The following ANTXR2 variants were observed in gnomAD, a reference collection of about 807,000 sequenced individuals.
ANTXR2 encodes the protein ANTXR cell adhesion molecule 2.
Under a neutral mutation model 73.7 loss-of-function variants are expected in ANTXR2, and 44 were observed. The ratio of observed to expected loss-of-function variants is 0.60; its 90% CI spans 0.47 to 0.77. The LOEUF is 0.77. Among genes scored for constraint, ANTXR2 ranks in the 30% least tolerant of loss-of-function variants. The probability of loss-of-function intolerance (pLI) is 0.00; values close to 1 mark genes in which losing one functional copy is unlikely to be tolerated. For synonymous variants in ANTXR2, 217 were observed against 205.9 expected (o/e 1.05, Z -0.46); for missense variants, 604 against 592.5 (o/e 1.02, Z -0.20).
chr4:79,960,890 A>C (rs1040616295), intron 16 of ANTXR2, among the ~76,000 whole-genome samples: 2 of 151,974 alleles, frequency 1.3e-5, no homozygotes, highest in Non-Finnish European at 2.9e-5. Context: ...TTTATTTATA[A>C]ATAAAAATGA....
intron 16 of ANTXR2, among the ~76,000 whole-genome samples, chr4:79,928,505 T>A (rs889838322): frequency 4.6e-5 from 7 of 152,176 alleles, no homozygotes; most frequent in Non-Finnish European, 8.8e-5. Context: ...AAATCGTAAG[T>A]CTTATGTTAT....
chr4:80,030,658 T>C (rs185888217), intron 10 of ANTXR2, among the ~76,000 whole-genome samples: 74 of 152,266 alleles, frequency 4.9e-4, no homozygotes, highest in Non-Finnish European at 9.0e-4. Context: ...TGATGTGCGA[T>C]AGATATCTTG....
At chr4:80,033,784 T>G (rs147026422) in intron 8 of ANTXR2, among the ~76,000 whole-genome samples, 1 of 152,124 alleles carries the variant, frequency 6.6e-6, no homozygotes, top group East Asian at 1.9e-4. Context: ...CACTGCCACA[T>G]GGGGATGCAT....
chr4:80,024,483 G>T (rs1174375344), intron 10 of ANTXR2, among the ~76,000 whole-genome samples: 1 of 152,230 alleles, frequency 6.6e-6, no homozygotes, highest in Non-Finnish European at 1.5e-5. Flanking sequence ...GAGGGGCACT[G>T]GACACTGTGG....
intron 14 of ANTXR2, among the ~76,000 whole-genome samples, chr4:79,981,863 C>A (rs1315717387): frequency 6.6e-6 from 1 of 152,090 alleles, no homozygotes; most frequent in Admixed American, 6.5e-5. Context: ...TGCGGTTTTT[C>A]GTCACAAATT....
intron 14 of ANTXR2, among the ~76,000 whole-genome samples, chr4:79,982,754 A>C (rs146617475): frequency 3.9e-4 from 60 of 152,300 alleles, no homozygotes; most frequent in Middle Eastern, 3.4e-3. Context: ...GCCTCAGAGG[A>C]TATTTCAACA....
chr4:79,961,722 G>T (rs925477830), intron 16 of ANTXR2, among the ~76,000 whole-genome samples: 1 of 152,156 alleles, frequency 6.6e-6, no homozygotes, highest in Non-Finnish European at 1.5e-5. Context: ...TTGCAGGTGT[G>T]AGCCCCACAC....
chr4:80,026,326 G>C (rs1432161705), intron 10 of ANTXR2, among the ~76,000 whole-genome samples: 1 of 152,034 alleles, frequency 6.6e-6, no homozygotes, highest in East Asian at 1.9e-4. Context: ...CTCCCCCTTA[G>C]CCTTCTGCCA....
At chr4:80,050,658 T>A (rs964063851) in intron 7 of ANTXR2, among the ~76,000 whole-genome samples, 1 of 151,672 alleles carries the variant, frequency 6.6e-6, no homozygotes, top group East Asian at 1.9e-4. Context: ...ATACCCCAGG[T>A]CACTTGGCAA....
intron 16 of ANTXR2, among the ~76,000 whole-genome samples, chr4:79,932,841 A>G (rs1459620470): frequency 6.6e-6 from 1 of 151,208 alleles, no homozygotes. Flanking sequence ...TTCAGTCTAC[A>G]GAGAACTAGA....
chr4:79,977,541 A>AT, intron 16 of ANTXR2, 80 bp downstream of exon 16: 1 of 1,525,192 alleles, frequency 6.6e-7, no homozygotes, highest in Non-Finnish European at 8.8e-7. Context: ...CTTTAAAATC[A>AT]TTTTTTATTA....
rs531342064 is a variant in ANTXR2 at position 79,957,027 on chromosome 4, G to A, written c.1428+20594C>T. 4.7e-3 allele frequency among the ~76,000 whole-genome samples: 708 copies of A among 152,170 alleles called. 5 individuals are homozygous for A. The highest frequency in any genetic ancestry group is 0.016 in the African/African-American group (673 of 41,522). On this transcript the variant is annotated intron_variant, in intron 16 of 16. Transcript: ENST00000403729. ...TCCACCAAATCCACCAATTTGACCA[G>A]TTATATCACATATAATATGACCTGC... is the stretch of plus-strand genomic sequence containing the variant.
At chr4:79,927,005 G>A (rs372730435) in intron 16 of ANTXR2, among the ~76,000 whole-genome samples, 141 of 112,444 alleles carry the variant, frequency 1.3e-3, no homozygotes, top group East Asian at 4.3e-3. Context: ...ATATATACAC[G>A]TGTGCATATA....
chr4:79,935,435 T>C (rs959260536), intron 16 of ANTXR2, among the ~76,000 whole-genome samples: 1 of 151,562 alleles, frequency 6.6e-6, no homozygotes, highest in Non-Finnish European at 1.5e-5. Flanking sequence ...GAAAATAAAT[T>C]AGTGACAAAG....
chr4:79,973,840 C>G (rs1407321359), intron 16 of ANTXR2, among the ~76,000 whole-genome samples: 1 of 152,122 alleles, frequency 6.6e-6, no homozygotes. Flanking sequence ...AGGTAAAGGT[C>G]ATATGCTGAT....
At chr4:79,959,969 G>A (rs1175703921) in intron 16 of ANTXR2, among the ~76,000 whole-genome samples, 1 of 152,144 alleles carries the variant, frequency 6.6e-6, no homozygotes, top group African/African-American at 2.4e-5. Flanking sequence ...GATAATGGGA[G>A]AGTAATCCCT....
chr4:80,020,393 A>G (rs1247333217), intron 10 of ANTXR2, among the ~76,000 whole-genome samples: 1 of 152,068 alleles, frequency 6.6e-6, no homozygotes, highest in Non-Finnish European at 1.5e-5. Flanking sequence ...CAAAAAAAAA[A>G]GCAAAAACAA....
At chr4:80,052,916 T>A (rs1269130328) in intron 7 of ANTXR2, among the ~76,000 whole-genome samples, 1 of 151,526 alleles carries the variant, frequency 6.6e-6, no homozygotes, top group Non-Finnish European at 1.5e-5. Flanking sequence ...TTATTACCCA[T>A]AAAAATAGAG....
At position 79,923,384 on chromosome 4, in the gene ANTXR2, C is replaced by T. The variant is rs894455341; in HGVS notation, c.1429-15917G>A. 5.3e-5 allele frequency among the ~76,000 whole-genome samples: 8 copies of T among 152,224 alleles called. No homozygotes were observed. In the South Asian group the frequency reaches 1.7e-3, roughly 32 times the overall value. On this transcript the variant is annotated intron_variant, in intron 16 of 16. Coordinates refer to ENST00000403729, the MANE Select transcript of ANTXR2 (RefSeq NM_058172.6). ...AAAGTCTTCCTGGCTTATTTAGTCA[C>T]ATGAATATTCAAGTAGGCCTAGATG...
Sources: gnomAD v4.1 joint callset for allele counts (sites outside exome capture counted in the v4.1 genomes callset) on GRCh38, gnomAD v4.1.1 for gene constraint, MANE v1.5 for transcripts, NCBI Gene and HGNC (gene_info 2026-07-23, HGNC 2026-07-21) for gene names.